CPSF4L: variants seen among roughly 807,000 people sequenced by gnomAD.
The protein encoded by CPSF4L is putative cleavage and polyadenylation specificity factor subunit 4-like protein.
CPSF4L carries 18 observed loss-of-function variants against 24.0 expected under a neutral mutation model. The ratio of observed to expected loss-of-function variants is 0.75; its 90% confidence interval spans 0.52 to 1.11. CPSF4L has a LOEUF of 1.11. Ranked by LOEUF, CPSF4L falls within the 50% of genes least tolerant of loss-of-function variation. The probability of loss-of-function intolerance (pLI) is 0.00; values close to 1 mark genes in which losing one functional copy is unlikely to be tolerated. For synonymous variants in CPSF4L, 72 were observed against 77.2 expected (o/e 0.93, Z 0.35); for missense variants, 211 against 221.8 (o/e 0.95, Z 0.31).
rs2062015228 is a variant in CPSF4L at position 73,254,020 on chromosome 17, C to T, written c.314G>A (p.Cys105Tyr). 2 of 1,551,176 alleles carry T rather than the reference C, an allele frequency of 1.3e-6. No individual in the cohort carries two copies. Among genetic ancestry groups the T allele is most frequent in the African/African-American group, 1.4e-5 (1 of 73,054 alleles). The stretch of plus-strand genomic sequence containing the variant: ...GAGGAAGGAACACTCCTTGTTGCTG[C>T]AGTCACCTGAAAATCCCAGCACTCT... ...ECYFYSKFGD[C>Y]SNKECSFLHV... The change falls in exon 4 of 6, where the codon TGC becomes TAC. Residue 105 changes from cysteine (C) to tyrosine (Y), a missense_variant. Coordinates refer to ENST00000344935, the MANE Select transcript of CPSF4L (RefSeq NM_001129885.1).
chr17:73,260,970 A>G lies in CPSF4L; in HGVS notation c.117T>C (p.Ala39=). Residue 39 remains alanine (A), a synonymous_variant, in exon 2 of 6, where the codon GCT becomes GCC. Coordinates refer to ENST00000344935, the MANE Select transcript of CPSF4L (RefSeq NM_001129885.1). ...PFQGMDKSAS[A]VCNFFTKGLC... The stretch of plus-strand genomic sequence containing the variant: ...GCCCTTTAGTGAAGAAGTTGCACAC[A>G]GCTGAGGCCGACTCTGGAAGGAGAA... The G allele has an allele frequency of 6.4e-7, 1 of 1,550,390 alleles. No individual in the cohort carries two copies. Among genetic ancestry groups the G allele is most frequent in the Non-Finnish European group, 8.7e-7 (1 of 1,146,192 alleles).
the CPSF4L span, chr17:73,242,239 C>T: frequency 6.4e-7 from 1 of 1,564,874 alleles, no homozygotes; most frequent in African/African-American, 1.4e-5. Flanking sequence ...TGTTTGGAAC[C>T]ATAGTTTCTT....
chr17:73,245,797 T>A, downstream of CPSF4L: 1 of 811,358 alleles, frequency 1.2e-6, no homozygotes, highest in Non-Finnish European at 1.5e-6. Flanking sequence ...ACTATAATGT[T>A]AAATCACATT....
chr17:73,243,971 GAGA>G (rs560237957), downstream of CPSF4L, among the ~76,000 whole-genome samples: 7 of 152,322 alleles, frequency 4.6e-5, 1 homozygote, highest in South Asian at 1.0e-3. Flanking sequence ...CCACAAAAGA[GAGA>G]AGGAGGAATA....
At chr17:73,250,201 A>G in intron 5 of CPSF4L, 3 of 1,539,774 alleles carry the variant, frequency 1.9e-6, no homozygotes, top group Non-Finnish European at 2.6e-6. Flanking sequence ...AGAATCCCAT[A>G]GTAAGACCAT....
intron 2 of CPSF4L, 71 bp downstream of exon 2, chr17:73,260,858 GAGCC>G: frequency 7.9e-7 from 1 of 1,261,632 alleles, no homozygotes; most frequent in Non-Finnish European, 1.1e-6. Flanking sequence ...AGGCCAGGCA[GAGCC>G]CCTGCTGGGT....
chr17:73,246,023 T>A (rs2061945810), downstream of CPSF4L, among the ~76,000 whole-genome samples: 1 of 152,202 alleles, frequency 6.6e-6, no homozygotes, highest in Non-Finnish European at 1.5e-5. Context: ...TTTTGACTTC[T>A]GCTTTGGCCC....
chr17:73,254,333 G>C (rs2062016333), intron 3 of CPSF4L, among the ~76,000 whole-genome samples: 1 of 152,244 alleles, frequency 6.6e-6, no homozygotes, highest in Non-Finnish European at 1.5e-5. Context: ...GGAACAAGGA[G>C]AGCCGAGAAG....
At chr17:73,261,655 C>A (rs772543455) in intron 1 of CPSF4L, 61 bp downstream of exon 1, 1 of 1,153,480 alleles carries the variant, frequency 8.7e-7, no homozygotes, top group African/African-American at 1.5e-5. Context: ...AGCGAGACTC[C>A]GTCTCAAAGA....
chr17:73,260,982 C>A lies in CPSF4L; in HGVS notation c.105G>T (p.Lys35Asn). 5 of 1,550,182 alleles carry A rather than the reference C, an allele frequency of 3.2e-6. No individual in the cohort carries two copies. The highest frequency in any genetic ancestry group is 4.4e-6 in the Non-Finnish European group (5 of 1,146,058). Residue 35 changes from lysine (K) to asparagine (N), a missense_variant and splice_region_variant, in exon 2 of 6, where the codon AAG becomes AAT. Physicochemically the swap from Lys to Asn is moderately conservative, Grantham distance 94. Transcript: ENST00000344935. ...TGLLPFQGMD[K>N]SASAVCNFFT... ...AGAAGTTGCACACAGCTGAGGCCGACTCTGGAAGGAGAAGAGGGAACGGAG... is the reference window on the plus strand; with the variant it reads ...AGAAGTTGCACACAGCTGAGGCCGAATCTGGAAGGAGAAGAGGGAACGGAG...
downstream of CPSF4L, chr17:73,245,246 C>A: frequency 6.2e-7 from 1 of 1,605,294 alleles, no homozygotes. Context: ...ACAGTGGAGA[C>A]GACTGCAATA....
chr17:73,247,015 C>G (rs929308610), downstream of CPSF4L, among the ~76,000 whole-genome samples: 3 of 152,108 alleles, frequency 2.0e-5, no homozygotes, highest in African/African-American at 7.2e-5. Context: ...CTTTCCCGGT[C>G]CCCCAGTTCC....
chr17:73,263,481 G>C (rs967144326), upstream of CPSF4L, among the ~76,000 whole-genome samples: 1 of 152,192 alleles, frequency 6.6e-6, no homozygotes, highest in Non-Finnish European at 1.5e-5. Context: ...TCTCAATGGA[G>C]AGTCATGATG....
intron 5 of CPSF4L, among the ~76,000 whole-genome samples, chr17:73,249,304 A>T (rs1396035272): frequency 2.0e-5 from 3 of 152,212 alleles, no homozygotes; most frequent in Non-Finnish European, 4.4e-5. Context: ...GCCGAGTGCC[A>T]TGCAAGGTTT....
At chr17:73,250,272 G>A in intron 5 of CPSF4L, 1 of 1,550,728 alleles carries the variant, frequency 6.4e-7, no homozygotes, top group South Asian at 1.2e-5. Context: ...GAGTCTTACT[G>A]TACTTACTGG....
At chr17:73,248,130 G>A (rs971136227), downstream of CPSF4L, 11 of 234,768 alleles carry the variant, frequency 4.7e-5, no homozygotes, top group East Asian at 1.1e-4. Context: ...AAGTTGCCTC[G>A]TGAGGATACA....
chr17:73,243,077 A>ATTT, the CPSF4L span: 53 of 438,412 alleles, frequency 1.2e-4, no homozygotes, highest in South Asian at 3.2e-4. Flanking sequence ...GATTCTCTGA[A>ATTT]TTTTTTTTTT....
At chr17:73,244,191 A>G (rs1297648145), downstream of CPSF4L, among the ~76,000 whole-genome samples, 1 of 152,222 alleles carries the variant, frequency 6.6e-6, no homozygotes, top group Admixed American at 6.5e-5. Context: ...CCTTCTAGTT[A>G]AAAAGATGAG....
chr17:73,256,222 T>A (rs1237362241), intron 3 of CPSF4L, among the ~76,000 whole-genome samples: 1 of 152,216 alleles, frequency 6.6e-6, no homozygotes, highest in Non-Finnish European at 1.5e-5. Flanking sequence ...GGCATTTTAT[T>A]ACTAAAGTCA....
Sources: allele counts gnomAD v4.1 joint callset (sites outside exome capture counted in the v4.1 genomes callset), GRCh38; gene constraint gnomAD v4.1.1; transcripts MANE v1.5; gene names NCBI Gene and HGNC (gene_info 2026-07-23, HGNC 2026-07-21).